The following BMS1 variants were observed in gnomAD, a reference collection of about 807,000 sequenced individuals.
BMS1 encodes BMS1 ribosome biogenesis factor, also known as ribosome biogenesis protein BMS1 homolog.
In BMS1, 53 loss-of-function variants were observed where a neutral mutation model predicts 138.7. The ratio of observed to expected loss-of-function variants is 0.38; its 90% confidence interval spans 0.31 to 0.48. BMS1 has a LOEUF of 0.48. Ranked by LOEUF, BMS1 falls within the 20% of genes least tolerant of loss-of-function variation. The pLI is 0.97. For synonymous variants in BMS1, 504 were observed against 539.9 expected, an observed-to-expected ratio of 0.93 and a Z score of 0.92; for missense variants, 1,360 against 1,565.5, an observed-to-expected ratio of 0.87 and a Z score of 2.22.
At chr10:42,827,660 G>A (rs1269852329) in intron 21 of BMS1, among the ~76,000 whole-genome samples, 3 of 152,160 alleles carry the variant, frequency 2.0e-5, no homozygotes, top group Non-Finnish European at 2.9e-5. Context: ...TCTGGGGGAT[G>A]GGTGGTGGGG....
chr10:42,806,639 G>A (rs922356185), intron 13 of BMS1, among the ~76,000 whole-genome samples: 3 of 151,652 alleles, frequency 2.0e-5, no homozygotes, highest in African/African-American at 4.9e-5. Flanking sequence ...GGAGGCTGAG[G>A]CAGGAGAATT....
chr10:42,813,989 T>G (rs1483468291), intron 13 of BMS1, among the ~76,000 whole-genome samples: 1 of 152,220 alleles, frequency 6.6e-6, no homozygotes, highest in Non-Finnish European at 1.5e-5. Context: ...TGCCACTTCC[T>G]TCTGGCCTCC....
rs1309200613 is a variant in BMS1 at position 42,797,007 on chromosome 10, T to G, written c.1763T>G (p.Phe588Cys). 9.3e-6 allele frequency: 15 copies of G among 1,614,120 alleles called. No individual in the cohort carries two copies. Among genetic ancestry groups the G allele is most frequent in the Non-Finnish European group, 1.0e-5 (12 of 1,180,008 alleles). Residue 588 changes from phenylalanine (F) to cysteine (C), a missense_variant, in exon 10 of 23, where the codon TTT becomes TGT. Phe to Cys is a radical substitution (Grantham distance 205). Around this residue, in one of 3 missense-constraint regions of BMS1, gnomAD observed 697 missense variants for 686.2 expected, o/e 1.02. Coordinates refer to ENST00000374518, the MANE Select transcript of BMS1 (RefSeq NM_014753.4). ...GGGCATTGCACAGCTGAAGAGGTGTTTGCATCTGAAGATGAATCTGAAGAA... is the reference window on the plus strand; with the variant it reads ...GGGCATTGCACAGCTGAAGAGGTGTGTGCATCTGAAGATGAATCTGAAGAA... Reference protein sequence around the residue: ...DSGHCTAEEVFASEDESEESS... With the variant: ...DSGHCTAEEVCASEDESEESS...
chr10:42,829,026 AT>A (rs1244273041), intron 21 of BMS1, among the ~76,000 whole-genome samples: 1 of 152,198 alleles, frequency 6.6e-6, no homozygotes, highest in Non-Finnish European at 1.5e-5. Context: ...TTAATAATAC[AT>A]TTCAAGATAG....
In BMS1 at chr10:42,790,504, T is replaced by A. The variant is rs772299450; in HGVS notation, c.629T>A (p.Val210Asp). The change falls in exon 5 of 23, where the codon GTT (valine) becomes GAT (aspartate). Residue 210 changes from valine (V) to aspartate (D), a missense_variant. By Grantham distance (152) the Val-to-Asp change is radical. Around this residue, in one of 3 missense-constraint regions of BMS1, gnomAD observed 238 missense variants for 311.1 expected, o/e 0.77. Coordinates refer to ENST00000374518, the MANE Select transcript of BMS1 (RefSeq NM_014753.4). ...TTAAAACACAGGTTCTGGACGGAAG[T>A]TTACCCGGTACGAAGAGAAATAATT... is the stretch of plus-strand genomic sequence containing the variant. ...KRLKHRFWTEVYPGAKLFYLS... is the reference protein window; with the variant it reads ...KRLKHRFWTEDYPGAKLFYLS... 6.2e-7 allele frequency: 1 copy of A among 1,613,738 alleles called. No homozygotes were observed. Among genetic ancestry groups the A allele is most frequent in the South Asian group, 1.1e-5 (1 of 91,050 alleles).
At chr10:42,801,742 G>A (rs1539293) in intron 12 of BMS1, among the ~76,000 whole-genome samples, 71,476 of 152,056 alleles carry the variant, frequency 0.47, 17,461 homozygotes, top group East Asian at 0.63. Flanking sequence ...ATAATTTGCA[G>A]ATATCTTCTC....
intron 21 of BMS1, among the ~76,000 whole-genome samples, chr10:42,826,164 T>G (rs1054972859): frequency 6.6e-6 from 1 of 152,144 alleles, no homozygotes; most frequent in African/African-American, 2.4e-5. Flanking sequence ...TGAATTCTAT[T>G]TGCTAAAATT....
In BMS1 at chr10:42,796,805, G is replaced by A. The variant is rs748741512; in HGVS notation, c.1561G>A (p.Ala521Thr). Residue 521 changes from alanine to threonine, a missense_variant, in exon 10 of 23, where the codon GCT becomes ACT. Transcript: ENST00000374518. ...SSAEEGEAEEADESSEEEDCT... is the reference protein window; with the variant it reads ...SSAEEGEAEETDESSEEEDCT... ...AGCGGAAGAAGGGGAAGCGGAGGAA[G>A]CTGATGAAAGCAGTGAAGAAGAGGA... 8 of 1,614,212 alleles carry A rather than the reference G, an allele frequency of 5.0e-6. No homozygotes were observed. The highest frequency in any genetic ancestry group is 6.8e-6 in the Non-Finnish European group (8 of 1,180,022).
chr10:42,796,597 T>G lies in BMS1; in HGVS notation c.1353T>G (p.Ser451=), dbSNP rs767900013. 1 of 1,614,164 alleles carries G rather than the reference T, an allele frequency of 6.2e-7. No homozygotes were observed. The highest frequency in any genetic ancestry group is 8.5e-7 in the Non-Finnish European group (1 of 1,180,024). Residue 451 remains serine (S), a synonymous_variant, in exon 10 of 23, where the codon TCT becomes TCG. Coordinates refer to ENST00000374518, the MANE Select transcript of BMS1 (RefSeq NM_014753.4). ...ATGATGAAGAAGATGATGAAATGTC[T>G]GAAGATGACGGGTTGGAAAACGGCT... ...DSDDEEDDEM[S]EDDGLENGSS... is the part of the protein sequence containing the mutation.
intron 13 of BMS1, among the ~76,000 whole-genome samples, chr10:42,815,992 T>G (rs1427002779): frequency 6.6e-6 from 1 of 152,160 alleles, no homozygotes; most frequent in African/African-American, 2.4e-5. Flanking sequence ...CACATAGACC[T>G]CTGTGTCTTT....
chr10:42,802,503 A>T (rs1841900848), intron 13 of BMS1, among the ~76,000 whole-genome samples: 1 of 152,168 alleles, frequency 6.6e-6, no homozygotes, highest in South Asian at 2.1e-4. Context: ...AAAAATATAT[A>T]CAAATAACAT....
chr10:42,797,119 T>C lies in BMS1; in HGVS notation c.1875T>C (p.Ser625=), dbSNP rs1841713069. The part of the protein sequence containing the change: ...KKLSKPSQVS[S]GQKLGPQNFI... ...TTTCAAAGCCTTCTCAAGTGAGCAG[T>C]GGTCAGAAACTGGGGCCACAGAACT... The change falls in exon 10 of 23, where the codon AGT becomes AGC. Residue 625 remains serine (S), a synonymous_variant. Coordinates refer to ENST00000374518, the MANE Select transcript of BMS1 (RefSeq NM_014753.4). The C allele has an allele frequency of 6.2e-7, 1 of 1,614,178 alleles. No homozygotes were observed. Among genetic ancestry groups the C allele is most frequent in the Admixed American group, 1.7e-5 (1 of 60,016 alleles).
At chr10:42,829,762 C>T (rs1842749904) in intron 21 of BMS1, among the ~76,000 whole-genome samples, 1 of 151,864 alleles carries the variant, frequency 6.6e-6, no homozygotes, top group African/African-American at 2.4e-5. Flanking sequence ...GTGGAGGTTG[C>T]ATGAGCCGAG....
chr10:42,792,697 C>T (rs887997829), intron 7 of BMS1, 83 bp downstream of exon 7: 1 of 1,542,270 alleles, frequency 6.5e-7, no homozygotes, highest in African/African-American at 1.4e-5. Context: ...TGAAAAATGA[C>T]CAAACAAGGG....
rs1383569983 is a variant in BMS1 at position 42,798,506 on chromosome 10, G to C, written c.2128G>C (p.Glu710Gln). The change falls in exon 12 of 23, where the codon GAA becomes CAA. Residue 710 changes from glutamate (E) to glutamine (Q), a missense_variant. Coordinates refer to ENST00000374518, the MANE Select transcript of BMS1 (RefSeq NM_014753.4). ...DNEEEDDDTL[E>Q]ELGGLFRVNQ... ...TGAAGAAGAAGATGATGATACTCTA[G>C]AAGAGCTTGGAGGGTTGTTTCGTGT... 6.2e-7 allele frequency: 1 copy of C among 1,614,230 alleles called. No individual in the cohort carries two copies. Among genetic ancestry groups the C allele is most frequent in the African/African-American group, 1.3e-5 (1 of 75,052 alleles).
chr10:42,830,808 A>T (rs147835947), intron 22 of BMS1, 58 bp from the exon 23 acceptor site: 3 of 1,438,850 alleles, frequency 2.1e-6, no homozygotes, highest in Non-Finnish European at 2.9e-6. Flanking sequence ...AGTGCTTAGG[A>T]TGCGAGTGTG....
At chr10:42,801,355 AT>A (rs1841871180) in intron 12 of BMS1, among the ~76,000 whole-genome samples, 1 of 152,236 alleles carries the variant, frequency 6.6e-6, no homozygotes, top group Non-Finnish European at 1.5e-5. Flanking sequence ...TACACACAAA[AT>A]AGTGTCAGAA....
rs769157054 is a variant in BMS1, at chr10:42,822,602, A to G, written c.3132+418A>G. 7.7e-4 allele frequency among the ~76,000 whole-genome samples: 118 copies of G among 152,378 alleles called. 1 individual carries two copies. The highest frequency in any genetic ancestry group is 2.8e-3 in the African/African-American group (116 of 41,590). On this transcript the variant is annotated intron_variant, in intron 19 of 22. Coordinates refer to ENST00000374518, the MANE Select transcript of BMS1 (RefSeq NM_014753.4). ...TTGGCAAGGTTACAGAGAAACGGAT[A>G]TACTGTTTTTCAGTATTTGGGGAGG...
intron 4 of BMS1, 29 bp downstream of exon 4, chr10:42,787,276 T>G: frequency 1.2e-6 from 1 of 837,376 alleles, no homozygotes; most frequent in Non-Finnish European, 2.0e-6. Context: ...CCTGGGGTGC[T>G]GATGGAGACT....
Sources: gnomAD v4.1 joint callset for allele counts (sites outside exome capture counted in the v4.1 genomes callset) on GRCh38, gnomAD v4.1.1 for gene constraint, gnomAD v4.1.1 regional missense constraint, MANE v1.5 for transcripts, NCBI Gene and HGNC (gene_info 2026-07-23, HGNC 2026-07-21) for gene names.